The following DLGAP1 variants were observed in gnomAD, a reference collection of about 807,000 sequenced individuals.
DLGAP1 encodes DLG associated protein 1.
DLGAP1 carries 11 observed loss-of-function variants against 90.8 expected under a neutral mutation model. The ratio of observed to expected loss-of-function variants is 0.12; its 90% CI spans 0.08 to 0.20. The LOEUF is 0.20. DLGAP1 is among the 10% of genes least tolerant of loss of function. The pLI, the probability that DLGAP1 is intolerant of heterozygous loss-of-function variation, is 1.00. For missense variants in DLGAP1, 1,050 were observed against 1,333.8 expected, an observed-to-expected ratio of 0.79 and a Z score of 3.31; for synonymous variants, 558 against 540.7, an observed-to-expected ratio of 1.03 and a Z score of -0.44.
chr18:3,675,892 T>C (rs1408485879), intron 7 of DLGAP1, among the ~76,000 whole-genome samples: 2 of 152,244 alleles, frequency 1.3e-5, no homozygotes, highest in Non-Finnish European at 2.9e-5. Context: ...GAAAAAATTA[T>C]TAAAACTTTC....
intron 1 of DLGAP1, among the ~76,000 whole-genome samples, chr18:4,385,239 G>T (rs1052399968): frequency 1.3e-5 from 2 of 152,020 alleles, no homozygotes; most frequent in Non-Finnish European, 2.9e-5. Flanking sequence ...ACTCTCCGAT[G>T]ATCTCAGGCA....
intron 4 of DLGAP1, among the ~76,000 whole-genome samples, chr18:3,826,427 C>T (rs2067715313): frequency 6.6e-6 from 1 of 152,070 alleles, no homozygotes; most frequent in Non-Finnish European, 1.5e-5. Flanking sequence ...GTGGGATAGG[C>T]ATGTTAATAG....
intron 2 of DLGAP1, among the ~76,000 whole-genome samples, chr18:4,082,467 T>A (rs1008190266): frequency 7.5e-6 from 1 of 133,384 alleles, no homozygotes; most frequent in Non-Finnish European, 1.5e-5. Flanking sequence ...GTTGAGATTG[T>A]GCCACTGCAC....
chr18:3,926,965 T>C (rs1321926863), intron 3 of DLGAP1, among the ~76,000 whole-genome samples: 8 of 152,198 alleles, frequency 5.3e-5, no homozygotes, highest in Non-Finnish European at 1.0e-4. Context: ...AGGAGTTTGC[T>C]TGAAGGTGCT....
chr18:4,183,230 T>C (rs1318506368), intron 1 of DLGAP1, among the ~76,000 whole-genome samples: 2 of 152,176 alleles, frequency 1.3e-5, no homozygotes, highest in African/African-American at 4.8e-5. Flanking sequence ...GCTTGATGAC[T>C]ACCAGGCAAA....
intron 7 of DLGAP1, among the ~76,000 whole-genome samples, chr18:3,583,842 G>A (rs1462990165): frequency 1.3e-5 from 2 of 152,178 alleles, no homozygotes; most frequent in Non-Finnish European, 2.9e-5. Context: ...CAGCCACTTG[G>A]GAGACTGAGG....
chr18:3,516,240 T>C (rs939151436), intron 10 of DLGAP1, among the ~76,000 whole-genome samples: 5 of 152,126 alleles, frequency 3.3e-5, no homozygotes, highest in African/African-American at 1.2e-4. Context: ...ATTTTTAAAT[T>C]ATTTTTTCAA....
At chr18:4,439,262 G>A (rs2144812511) in intron 1 of DLGAP1, among the ~76,000 whole-genome samples, 1 of 152,302 alleles carries the variant, frequency 6.6e-6, no homozygotes, top group East Asian at 1.9e-4. Context: ...GCCCTTTTCA[G>A]GAGATGATAT....
intron 3 of DLGAP1, among the ~76,000 whole-genome samples, chr18:3,991,507 G>A (rs1260963121): frequency 2.6e-5 from 4 of 152,146 alleles, no homozygotes; most frequent in Non-Finnish European, 4.4e-5. Context: ...AAATAACACC[G>A]CAGAGGTGGT....
chr18:3,502,379 A>T, intron 12 of DLGAP1, 114 bp downstream of exon 12: 1 of 1,490,916 alleles, frequency 6.7e-7, no homozygotes, highest in Non-Finnish European at 8.9e-7. Context: ...AATTAATATG[A>T]TATCAGCTCC....
At chr18:4,322,582 T>C (rs534325217) in intron 1 of DLGAP1, among the ~76,000 whole-genome samples, 1 of 152,274 alleles carries the variant, frequency 6.6e-6, no homozygotes, top group South Asian at 2.1e-4. Flanking sequence ...AACAGTAATC[T>C]GGGCAATTAT....
chr18:3,979,068 T>G (rs2073665097), intron 3 of DLGAP1, among the ~76,000 whole-genome samples: 1 of 152,076 alleles, frequency 6.6e-6, no homozygotes, highest in Non-Finnish European at 1.5e-5. Context: ...AAGAAGAAAA[T>G]GCTGTCATTT....
chr18:3,980,928 T>C (rs1256482687), intron 3 of DLGAP1, among the ~76,000 whole-genome samples: 1 of 152,232 alleles, frequency 6.6e-6, no homozygotes, highest in African/African-American at 2.4e-5. Flanking sequence ...TTTTCAAGTA[T>C]ACAATGCATC....
chr18:3,984,569 C>T (rs150721878), intron 3 of DLGAP1, among the ~76,000 whole-genome samples: 2 of 152,236 alleles, frequency 1.3e-5, no homozygotes, highest in African/African-American at 2.4e-5. Context: ...CCCAGGCTGG[C>T]GACTCTAAAG....
At chr18:4,418,052 C>T (rs939466562) in intron 1 of DLGAP1, among the ~76,000 whole-genome samples, 4 of 152,142 alleles carry the variant, frequency 2.6e-5, no homozygotes, top group African/African-American at 9.7e-5. Context: ...ACACGTTTGA[C>T]AACCCAGCCT....
In DLGAP1 at chr18:3,517,539, C is replaced by T. The variant is rs368625835; in HGVS notation, c.2480-8878G>A. On this transcript the variant is annotated intron_variant, in intron 10 of 12. Coordinates refer to ENST00000315677, the MANE Select transcript of DLGAP1 (RefSeq NM_004746.4). The surrounding 1 kb of genome is among the most constrained non-coding windows in gnomAD (Gnocchi z 4.1). ...TTTCATAGAATTGAAGAGAGTTGGCCGGGCGCGGTGGCTCATGCCTGTAAT... is the reference window on the plus strand; with the variant it reads ...TTTCATAGAATTGAAGAGAGTTGGCTGGGCGCGGTGGCTCATGCCTGTAAT... 9.9e-5 allele frequency among the ~76,000 whole-genome samples: 15 copies of T among 152,242 alleles called. No homozygotes were observed. Among genetic ancestry groups the T allele is most frequent in the African/African-American group, 2.6e-4 (11 of 41,554 alleles).
chr18:4,306,253 T>C (rs1180564778), intron 1 of DLGAP1, among the ~76,000 whole-genome samples: 1 of 152,086 alleles, frequency 6.6e-6, no homozygotes, highest in Non-Finnish European at 1.5e-5. Context: ...ATCTTCTACA[T>C]TGCTAGGAAA....
intron 7 of DLGAP1, among the ~76,000 whole-genome samples, chr18:3,705,044 A>T (rs1046626489): frequency 5.3e-5 from 8 of 152,222 alleles, no homozygotes; most frequent in African/African-American, 2.4e-5. Flanking sequence ...TGCATCTCTA[A>T]GGAGTTATTT....
chr18:4,235,917 G>A (rs2078405389), intron 1 of DLGAP1, among the ~76,000 whole-genome samples: 1 of 151,678 alleles, frequency 6.6e-6, no homozygotes, highest in Non-Finnish European at 1.5e-5. Flanking sequence ...GTAGAGACGG[G>A]GTTTGGCCAA....
Sources: gnomAD v4.1 joint callset for allele counts (sites outside exome capture counted in the v4.1 genomes callset) on GRCh38, gnomAD v4.1.1 for gene constraint, Gnocchi (gnomAD v3.1) non-coding constraint, MANE v1.5 for transcripts, NCBI Gene and HGNC (gene_info 2026-07-23, HGNC 2026-07-21) for gene names.